The following VWDE variants were observed in gnomAD, a reference collection of about 807,000 sequenced individuals.
The protein encoded by VWDE is von Willebrand factor D and EGF domain-containing protein.
In VWDE, 207 loss-of-function variants were observed where a neutral mutation model predicts 178.4. The observed-to-expected ratio is 1.16, with a 90% confidence interval of 1.04 to 1.30. The LOEUF (loss-of-function observed/expected upper bound fraction) is 1.30. Among genes scored for constraint, VWDE ranks in the 50% most tolerant of loss-of-function variants. The pLI is 0.00. For synonymous variants in VWDE, 738 were observed against 651.4 expected, an observed-to-expected ratio of 1.13 and a Z score of -2.02; for missense variants, 2,287 against 1,901.3, an observed-to-expected ratio of 1.20 and a Z score of -3.77.
upstream of VWDE, chr7:12,403,865 TG>T: frequency 1.3e-6 from 1 of 774,376 alleles, no homozygotes; most frequent in Non-Finnish European, 2.1e-6. Flanking sequence ...GTCCTCGTTC[TG>T]GGGTGCACCC....
chr7:12,355,893 A>G (rs1782216381), intron 18 of VWDE, among the ~76,000 whole-genome samples: 1 of 152,216 alleles, frequency 6.6e-6, no homozygotes, highest in Non-Finnish European at 1.5e-5. Flanking sequence ...CTACATTGCT[A>G]TAACAGTTAT....
chr7:12,380,417 G>A, intron 5 of VWDE, 69 bp downstream of exon 5: 1 of 1,501,244 alleles, frequency 6.7e-7, no homozygotes, highest in Non-Finnish European at 8.9e-7. Context: ...TTTTGGATAT[G>A]ATGTTTAAAA....
At chr7:12,387,799 C>T (rs1232649990) in intron 3 of VWDE, among the ~76,000 whole-genome samples, 1 of 152,084 alleles carries the variant, frequency 6.6e-6, no homozygotes, top group Non-Finnish European at 1.5e-5. Context: ...GCTTTGATAA[C>T]ACTGTCTAAA....
Position 12,403,654 on chromosome 7 carries a change from C to T in VWDE, c.58+5G>A. On this transcript the variant is annotated splice_donor_5th_base_variant and intron_variant, in intron 1 of 28. Transcript: ENST00000275358. ...GCCCACCCCCGCGCGCCCTACCTCG[C>T]TTACCTTCCCCCCAGGCCAGGAACA... The T allele has an allele frequency of 6.5e-7, 1 of 1,542,756 alleles. No homozygotes were observed. Among genetic ancestry groups the T allele is most frequent in the Non-Finnish European group, 8.7e-7 (1 of 1,145,666 alleles).
intron 23 of VWDE, among the ~76,000 whole-genome samples, chr7:12,340,964 C>T (rs1306704006): frequency 6.6e-6 from 1 of 151,960 alleles, no homozygotes; most frequent in Non-Finnish European, 1.5e-5. Context: ...GAAAGACATC[C>T]CCAATTTTAT....
At position 12,336,987 on chromosome 7, in the gene VWDE, C is replaced by A. The variant is rs200891470; in HGVS notation, c.4558+1G>T. The A allele has an allele frequency of 7.9e-5, 123 of 1,549,494 alleles. No individual in the cohort carries two copies. The African/African-American group carries it at 1.5e-3, about 19-fold the overall frequency. On this transcript the variant is annotated splice_donor_variant, in intron 26 of 28. Coordinates refer to ENST00000275358, the MANE Select transcript of VWDE (RefSeq NM_001135924.3). LOFTEE classifies it high-confidence loss of function. Reference sequence around the variant, plus strand: ...CAGTGTTTTAAGAGTATTCCTCTTACGTGTGTTGCATCGTTTCCCACTCCA... The same window carrying A: ...CAGTGTTTTAAGAGTATTCCTCTTAAGTGTGTTGCATCGTTTCCCACTCCA...
intron 28 of VWDE, among the ~76,000 whole-genome samples, chr7:12,332,954 G>T (rs368271495): frequency 1.0e-4 from 12 of 119,258 alleles, no homozygotes; most frequent in African/African-American, 4.8e-4. Context: ...TTTTTGAGAG[G>T]TTTGCTGCAT....
At chr7:12,385,724 A>G (rs1784065697) in intron 3 of VWDE, among the ~76,000 whole-genome samples, 1 of 152,198 alleles carries the variant, frequency 6.6e-6, no homozygotes, top group Non-Finnish European at 1.5e-5. Flanking sequence ...TAAGTTCTAA[A>G]CGGTATTCCA....
intron 3 of VWDE, among the ~76,000 whole-genome samples, chr7:12,387,532 T>C (rs1043067122): frequency 2.6e-5 from 4 of 151,996 alleles, no homozygotes; most frequent in Non-Finnish European, 4.4e-5. Flanking sequence ...TTTATATATA[T>C]GTGTATATAT....
intron 12 of VWDE, among the ~76,000 whole-genome samples, chr7:12,368,153 T>C (rs548838144): frequency 1.3e-5 from 2 of 149,914 alleles, no homozygotes; most frequent in African/African-American, 4.9e-5. Flanking sequence ...TATTTATCTG[T>C]TGCTATTCTA....
chr7:12,337,503 C>A (rs939128644), intron 24 of VWDE, among the ~76,000 whole-genome samples: 1 of 152,116 alleles, frequency 6.6e-6, no homozygotes, highest in African/African-American at 2.4e-5. Flanking sequence ...GTGTTCATAA[C>A]AAATTGAGTC....
chr7:12,376,045 T>C (rs1471431346), intron 7 of VWDE, among the ~76,000 whole-genome samples: 2 of 152,122 alleles, frequency 1.3e-5, no homozygotes, highest in Admixed American at 6.6e-5. Context: ...TTTTCTTCCA[T>C]ACAGATTTTT....
intron 4 of VWDE, among the ~76,000 whole-genome samples, chr7:12,381,968 A>G (rs2128559018): frequency 6.6e-6 from 1 of 152,046 alleles, no homozygotes; most frequent in Admixed American, 6.5e-5. Flanking sequence ...TAGATGAAAC[A>G]AAATTTGTTA....
At position 12,336,252 on chromosome 7, in the gene VWDE, T is replaced by G; in HGVS notation, c.4559-16A>C. On this transcript the variant is annotated splice_polypyrimidine_tract_variant and intron_variant, in intron 26 of 28. Transcript: ENST00000275358. ...AAGCAGATAGCTGCCAATCGAAATATAAACAAGTTAAAATTTTAAATTACT... is the reference window on the plus strand; with the variant it reads ...AAGCAGATAGCTGCCAATCGAAATAGAAACAAGTTAAAATTTTAAATTACT... 6.5e-7 allele frequency: 1 copy of G among 1,547,418 alleles called. No individual in the cohort carries two copies. The highest frequency in any genetic ancestry group is 1.4e-5 in the African/African-American group (1 of 73,038).
intron 19 of VWDE, among the ~76,000 whole-genome samples, chr7:12,345,328 T>G (rs1781545167): frequency 6.6e-6 from 1 of 152,148 alleles, no homozygotes; most frequent in Non-Finnish European, 1.5e-5. Flanking sequence ...AAAGCATATC[T>G]TTTTAATAAC....
chr7:12,403,707 C>T lies in VWDE; in HGVS notation c.10G>A (p.Gly4Arg), dbSNP rs770634887. 17 of 1,549,758 alleles carry T rather than the reference C, an allele frequency of 1.1e-5. No homozygotes were observed. The African/African-American group carries it at 2.1e-4, about 19-fold the overall frequency. MPG[G>R]ACVLVIALMF... ...AGCGCGATCACCAGCACGCAGGCTC[C>T]GCCAGGCATCGCTGCTTCCGCAGGT... Residue 4 changes from glycine to arginine, a missense_variant, in exon 1 of 29, where the codon GGA becomes AGA. By Grantham distance (125) the Gly-to-Arg change is moderately radical. Coordinates refer to ENST00000275358, the MANE Select transcript of VWDE (RefSeq NM_001135924.3).
At chr7:12,349,325 C>A (rs1339722140) in intron 19 of VWDE, among the ~76,000 whole-genome samples, 2 of 149,916 alleles carry the variant, frequency 1.3e-5, no homozygotes, top group Admixed American at 1.3e-4. Context: ...TGCCATTCAT[C>A]TGGAAGAAAA....
rs1231923424 is a variant in VWDE at position 12,356,361 on chromosome 7, T to C, written c.3526-31A>G. The C allele has an allele frequency of 7.9e-6, 12 of 1,526,818 alleles. No homozygotes were observed. In the East Asian group the frequency reaches 2.5e-4, roughly 31 times the overall value. The allele number at this position is 1,526,818 out of a possible 1,614,324, so 94.6% of individuals were successfully genotyped here. On this transcript the variant is annotated intron_variant, in intron 17 of 28. Transcript: ENST00000275358. ...AAACAAAAAAAAAGGAAATGTCTTA[T>C]TTTTCAATAAAATTATCTTCAGTTT... is the stretch of plus-strand genomic sequence containing the variant.
Position 12,344,478 on chromosome 7 carries a change from A to T in VWDE, c.3887-9T>A, listed in dbSNP as rs1396676241. ...TGGATATTTACAAATGGCTAAAAAAAAATCAAAGAAAAAAAGGTTGATTGC... is the reference window on the plus strand; with the variant it reads ...TGGATATTTACAAATGGCTAAAAAATAATCAAAGAAAAAAAGGTTGATTGC... On this transcript the variant is annotated splice_polypyrimidine_tract_variant and intron_variant, in intron 19 of 28. Transcript: ENST00000275358. 1.3e-6 allele frequency: 2 copies of T among 1,543,074 alleles called. No homozygotes were observed. Among genetic ancestry groups the T allele is most frequent in the Non-Finnish European group, 1.8e-6 (2 of 1,142,760 alleles).
Sources: allele counts gnomAD v4.1 joint callset (sites outside exome capture counted in the v4.1 genomes callset), GRCh38; gene constraint gnomAD v4.1.1; transcripts MANE v1.5; gene names NCBI Gene and HGNC (gene_info 2026-07-23, HGNC 2026-07-21).